The following FRMPD1 variants were observed in gnomAD, a reference collection of about 807,000 sequenced individuals.
FRMPD1 encodes FERM and PDZ domain containing 1.
In FRMPD1, 76 loss-of-function variants were observed where a neutral mutation model predicts 117.8. That is an observed-to-expected ratio of 0.65 (90% CI 0.54 to 0.78). FRMPD1 has a LOEUF of 0.78. FRMPD1 is among the 30% of genes least tolerant of loss of function. The pLI, the probability that FRMPD1 is intolerant of heterozygous loss-of-function variation, is 0.00. For synonymous variants in FRMPD1, 783 were observed against 770.4 expected (o/e 1.02, Z -0.27); for missense variants, 1,786 against 1,964.5 (o/e 0.91, Z 1.72).
rs1199537082 is a variant in FRMPD1, at chr9:37,740,259, G to T, written c.1731G>T (p.Gly577=). The change falls in exon 15 of 16, where the codon GGG becomes GGT. Residue 577 remains glycine (G), a synonymous_variant. Transcript: ENST00000377765. This position sits in a 1 kb window ranked among gnomAD's most constrained non-coding sequence, Gnocchi z 4.2. ...CTAGGAGGGGCCCCAGCACCTGCGG[G>T]GCCAGCAGCACGACAGACAGTGCCG... ...EVARRGPSTC[G]ASSTTDSAES... 2 of 1,613,904 alleles carry T rather than the reference G, an allele frequency of 1.2e-6. No individual in the cohort carries two copies. Among genetic ancestry groups the T allele is most frequent in the Admixed American group, 3.3e-5 (2 of 60,020 alleles).
At chr9:37,644,471 C>A in the FRMPD1 span, among the ~76,000 whole-genome samples, 1 of 152,172 alleles carries the variant, frequency 6.6e-6, no homozygotes, top group African/African-American at 2.4e-5. Flanking sequence ...GCAACAGTGT[C>A]CTATGCCCCA....
Position 37,732,303 on chromosome 9 carries a change from G to A in FRMPD1, c.859-1G>A, listed in dbSNP as rs777287404. The A allele has an allele frequency of 6.2e-7, 1 of 1,613,208 alleles. No individual in the cohort carries two copies. Among genetic ancestry groups the A allele is most frequent in the Non-Finnish European group, 8.5e-7 (1 of 1,179,942 alleles). ...CATCTGCTCTATTTAATCTCTTCTA[G>A]AGCTGCAGCGATGTGCTCCAGGAGC... On this transcript the variant is annotated splice_acceptor_variant, in intron 9 of 15. Transcript: ENST00000377765. LOFTEE classifies it high-confidence loss of function.
intron 2 of FRMPD1, among the ~76,000 whole-genome samples, chr9:37,699,243 C>A (rs1393917584): frequency 6.6e-6 from 1 of 151,640 alleles, no homozygotes; most frequent in East Asian, 1.9e-4. Context: ...CCTATTCTGT[C>A]ATATGAAGTT....
At position 37,724,321 on chromosome 9, in the gene FRMPD1, G is replaced by GTT; in HGVS notation, c.612+2_612+3insTT. Reference sequence around the variant, plus strand: ...GTTTGAGGCAAACACAACCGTGAAGGTATTAAGAATAAACTTGAACTTCTT... The same window carrying GTT: ...GTTTGAGGCAAACACAACCGTGAAGGTTTATTAAGAATAAACTTGAACTTCTT... On this transcript the variant is annotated splice_donor_variant, in intron 7 of 15. Coordinates refer to ENST00000377765, the MANE Select transcript of FRMPD1 (RefSeq NM_014907.3). LOFTEE classifies it high-confidence loss of function. The GTT allele has an allele frequency of 6.7e-7, 1 of 1,497,806 alleles. No individual in the cohort carries two copies. Among genetic ancestry groups the GTT allele is most frequent in the East Asian group, 2.3e-5 (1 of 44,324 alleles). 92.8% of individuals were successfully genotyped at this position (1,497,806 alleles called of 1,614,324 possible).
At chr9:37,629,773 C>A in the FRMPD1 span, among the ~76,000 whole-genome samples, 1 of 152,168 alleles carries the variant, frequency 6.6e-6, no homozygotes, top group African/African-American at 2.4e-5. Context: ...ATTTAGAGTT[C>A]TCTAGCCTGC....
At chr9:37,703,442 T>A (rs1822599437) in intron 2 of FRMPD1, among the ~76,000 whole-genome samples, 1 of 152,236 alleles carries the variant, frequency 6.6e-6, no homozygotes, top group South Asian at 2.1e-4. Context: ...GTATCTACTA[T>A]GTGTATTTAT....
Position 37,744,829 on chromosome 9 carries a change from G to C in FRMPD1, c.2797G>C (p.Val933Leu), listed in dbSNP as rs753399021. 10 of 1,614,152 alleles carry C rather than the reference G, an allele frequency of 6.2e-6. No individual in the cohort carries two copies. Among genetic ancestry groups the C allele is most frequent in the Non-Finnish European group, 6.8e-6 (8 of 1,180,000 alleles). The change falls in exon 16 of 16, where the codon GTC (valine) becomes CTC (leucine). Residue 933 changes from valine (V) to leucine (L), a missense_variant. Coordinates refer to ENST00000377765, the MANE Select transcript of FRMPD1 (RefSeq NM_014907.3). The part of the protein sequence containing the change: ...MEPETMETKS[V>L]IDSRVSSISA... ...GCCCGAGACCATGGAAACCAAATCA[G>C]TCATCGACTCTCGAGTGTCTTCTAT...
At chr9:37,676,685 T>C (rs1221487799) in intron 1 of FRMPD1, among the ~76,000 whole-genome samples, 1 of 152,144 alleles carries the variant, frequency 6.6e-6, no homozygotes, top group Non-Finnish European at 1.5e-5. Flanking sequence ...CCTGAACCCT[T>C]GCATAGGGTT....
the FRMPD1 span, among the ~76,000 whole-genome samples, chr9:37,619,104 G>A: frequency 2.3e-4 from 35 of 152,318 alleles, no homozygotes; most frequent in East Asian, 5.0e-3. Context: ...AAACCGACAT[G>A]CCATAAGGTT....
chr9:37,664,533 A>T (rs1189548336), intron 1 of FRMPD1, among the ~76,000 whole-genome samples: 2 of 150,790 alleles, frequency 1.3e-5, no homozygotes, highest in South Asian at 2.1e-4. Context: ...ATGTGTTCTC[A>T]TTGTTCAACT....
At chr9:37,708,590 A>AT in intron 4 of FRMPD1, 89 bp downstream of exon 4, 1 of 808,872 alleles carries the variant, frequency 1.2e-6, no homozygotes, top group South Asian at 1.5e-5. Context: ...TGATCCCCTG[A>AT]TTTTAATAAG....
At chr9:37,683,061 G>T (rs1001784384) in intron 1 of FRMPD1, among the ~76,000 whole-genome samples, 1 of 152,026 alleles carries the variant, frequency 6.6e-6, no homozygotes. Context: ...CACTGCCTTC[G>T]CAACCACTAA....
chr9:37,660,043 C>G (rs1242395323), intron 1 of FRMPD1, among the ~76,000 whole-genome samples: 1 of 151,836 alleles, frequency 6.6e-6, no homozygotes, highest in Non-Finnish European at 1.5e-5. Flanking sequence ...CTGAGCAGCT[C>G]CAGACTCTCC....
At chr9:37,616,063 C>T in the FRMPD1 span, among the ~76,000 whole-genome samples, 2,095 of 150,856 alleles carry the variant, frequency 0.014, 42 homozygotes, top group African/African-American at 0.049. Flanking sequence ...GTGATCCACC[C>T]GCCTCGGCCT....
chr9:37,741,571 C>G (rs1824423954), intron 15 of FRMPD1, among the ~76,000 whole-genome samples: 1 of 152,048 alleles, frequency 6.6e-6, no homozygotes, highest in Non-Finnish European at 1.5e-5. Context: ...GAGCTGCAGC[C>G]CTTGTTCCTG....
chr9:37,689,648 T>A (rs1395848488), intron 1 of FRMPD1, among the ~76,000 whole-genome samples: 1 of 152,194 alleles, frequency 6.6e-6, no homozygotes, highest in Non-Finnish European at 1.5e-5. Context: ...GGATCTCATT[T>A]CTTTTGTCCT....
Position 37,740,734 on chromosome 9 carries a change from G to C in FRMPD1, c.2206G>C (p.Ala736Pro). The C allele has an allele frequency of 1.9e-6, 3 of 1,614,178 alleles. No individual in the cohort carries two copies. Among genetic ancestry groups the C allele is most frequent in the African/African-American group, 2.7e-5 (2 of 75,060 alleles). Residue 736 changes from alanine (A) to proline (P), a missense_variant, in exon 15 of 16, where the codon GCC becomes CCC. Coordinates refer to ENST00000377765, the MANE Select transcript of FRMPD1 (RefSeq NM_014907.3). This position sits in a 1 kb window ranked among gnomAD's most constrained non-coding sequence, Gnocchi z 4.2. ...TASRQGGAPPAWGQQGWTEAQ... is the reference protein window; with the variant it reads ...TASRQGGAPPPWGQQGWTEAQ... ...TTCCCGGCAAGGGGGAGCCCCGCCA[G>C]CCTGGGGTCAGCAGGGCTGGACTGA...
rs1563946465 is a variant in FRMPD1 at position 37,717,329 on chromosome 9, GTATGTGTATATA to G, written c.409-1738_409-1727del. Among the ~76,000 whole-genome samples the G allele has an allele frequency of 4.7e-5, 6 of 128,844 alleles. No homozygotes were observed. The South Asian group carries it at 1.3e-3, about 27-fold the overall frequency. 84.5% of individuals were successfully genotyped at this position (128,844 alleles called of 152,430 possible). A position where few individuals can be genotyped will look rare whatever the true frequency, so the allele number is the denominator to read the frequency against. Reference sequence around the variant, plus strand: ...TATATATATATGTATGTGTGTGTGTGTATGTGTATATATGTGTGTGTGTGTGTGTGTGTGTGT... The same window carrying G: ...TATATATATATGTATGTGTGTGTGTGTGTGTGTGTGTGTGTGTGTGTGTGT... On this transcript the variant is annotated intron_variant, in intron 5 of 15. Coordinates refer to ENST00000377765, the MANE Select transcript of FRMPD1 (RefSeq NM_014907.3).
chr9:37,629,114 G>A, the FRMPD1 span, among the ~76,000 whole-genome samples: 7 of 152,110 alleles, frequency 4.6e-5, no homozygotes, highest in African/African-American at 7.2e-5. Context: ...CAGGAGAATC[G>A]CTTGAACTCG....
Sources: allele counts gnomAD v4.1 joint callset (sites outside exome capture counted in the v4.1 genomes callset), GRCh38; gene constraint gnomAD v4.1.1; non-coding constraint Gnocchi (gnomAD v3.1); transcripts MANE v1.5; gene names NCBI Gene and HGNC (gene_info 2026-07-23, HGNC 2026-07-21).